RDX: variants seen among roughly 807,000 people sequenced by gnomAD.
RDX encodes radixin, also known as deafness, autosomal recessive 24.
In RDX, 32 loss-of-function variants were observed where a neutral mutation model predicts 83.7. That is an observed-to-expected ratio of 0.38 (90% confidence interval 0.29 to 0.51). The LOEUF is 0.51. Ranked by LOEUF, RDX falls within the 20% of genes least tolerant of loss-of-function variation. The pLI, the probability that RDX is intolerant of heterozygous loss-of-function variation, is 0.87. For missense variants in RDX, 600 were observed against 689.9 expected, an observed-to-expected ratio of 0.87 and a Z score of 1.46; for synonymous variants, 229 against 222.7, an observed-to-expected ratio of 1.03 and a Z score of -0.25.
At chr11:110,211,423 A>G (rs541640698) in intron 14 of RDX, among the ~76,000 whole-genome samples, 27 of 150,434 alleles carry the variant, frequency 1.8e-4, no homozygotes, top group African/African-American at 6.6e-4. Flanking sequence ...TAGACAGATC[A>G]ACGAGACAGA....
intron 15 of RDX, among the ~76,000 whole-genome samples, chr11:110,197,709 T>A (rs1201066328): frequency 6.6e-6 from 1 of 152,218 alleles, no homozygotes; most frequent in Non-Finnish European, 1.5e-5. Context: ...GTTACATGAA[T>A]GAATTTCTGC....
At chr11:110,182,710 A>C (rs1862911507) in intron 15 of RDX, among the ~76,000 whole-genome samples, 1 of 152,230 alleles carries the variant, frequency 6.6e-6, no homozygotes, top group Non-Finnish European at 1.5e-5. Context: ...ACTTGTACCA[A>C]GTCTCTTCAT....
chr11:110,210,459 C>T (rs1432345748), intron 14 of RDX, among the ~76,000 whole-genome samples: 1 of 143,240 alleles, frequency 7.0e-6, no homozygotes, highest in African/African-American at 2.7e-5. Flanking sequence ...GCAAGGCAGG[C>T]CAACATTCAG....
intron 15 of RDX, among the ~76,000 whole-genome samples, chr11:110,189,637 C>G (rs894210041): frequency 6.6e-6 from 1 of 152,106 alleles, no homozygotes; most frequent in Non-Finnish European, 1.5e-5. Context: ...ATTAAAAAAC[C>G]TGAAGTCATG....
At chr11:110,223,518 ACT>A (rs901238427) in intron 14 of RDX, among the ~76,000 whole-genome samples, 19 of 151,314 alleles carry the variant, frequency 1.3e-4, no homozygotes, top group South Asian at 4.2e-4. Flanking sequence ...ACAGAGAAAG[ACT>A]CTGTCTCAAA....
At chr11:110,180,367 T>C (rs1862862415) in intron 15 of RDX, among the ~76,000 whole-genome samples, 1 of 152,186 alleles carries the variant, frequency 6.6e-6, no homozygotes, top group Non-Finnish European at 1.5e-5. Flanking sequence ...GCTCCAGCTT[T>C]GGGCTGGGAT....
chr11:110,278,998 AT>A (rs1860638145), intron 2 of RDX, among the ~76,000 whole-genome samples: 2 of 152,224 alleles, frequency 1.3e-5, no homozygotes, highest in East Asian at 1.9e-4. Flanking sequence ...AATAAAAAAA[AT>A]CTAAGACTAT....
intron 15 of RDX, among the ~76,000 whole-genome samples, chr11:110,182,910 C>A (rs754519383): frequency 6.6e-6 from 1 of 152,176 alleles, no homozygotes; most frequent in Non-Finnish European, 1.5e-5. Context: ...TTACAGAGAG[C>A]AAATCATTCT....
chr11:110,177,186 C>T (rs900715239), intron 15 of RDX, among the ~76,000 whole-genome samples: 6 of 152,214 alleles, frequency 3.9e-5, no homozygotes, highest in Non-Finnish European at 7.3e-5. Context: ...CCACCTCCAC[C>T]CGGGGACAGG....
chr11:110,279,729 C>A lies in RDX; in HGVS notation c.-37G>T. 7.1e-7 allele frequency: 1 copy of A among 1,411,992 alleles called. No individual in the cohort carries two copies. The highest frequency in any genetic ancestry group is 1.0e-6 in the Non-Finnish European group (1 of 1,001,718). The allele number at this position is 1,411,992 out of a possible 1,614,324, so 87.5% of individuals were successfully genotyped here. On this transcript the variant is annotated 5_prime_UTR_variant, in exon 2 of 14. Transcript: ENST00000645495. The stretch of plus-strand genomic sequence containing the variant: ...TTTTGTTACCTTCTTTAAAAATTCT[C>A]CACTTCAATGAATTCTGTTATCACT...
At chr11:110,256,435 G>C (rs754329162) in intron 7 of RDX, among the ~76,000 whole-genome samples, 2 of 152,154 alleles carry the variant, frequency 1.3e-5, no homozygotes, top group South Asian at 4.1e-4. Flanking sequence ...ACTATGCTAC[G>C]TTTATATGCT....
At chr11:110,220,573 A>C (rs1466886893) in intron 14 of RDX, among the ~76,000 whole-genome samples, 1 of 152,176 alleles carries the variant, frequency 6.6e-6, no homozygotes, top group Non-Finnish European at 1.5e-5. Context: ...CACTCGGCTC[A>C]CTGCAACCTC....
At position 110,264,065 on chromosome 11, in the gene RDX, G is replaced by A; in HGVS notation, c.362C>T (p.Thr121Ile). ...LNDEIYCPPETAVLLASYAVQ... is the reference protein window; with the variant it reads ...LNDEIYCPPEIAVLLASYAVQ... ...AGCATAGGAAGCCAAAAGAACTGCA[G>A]TTTCTGGCGGGCAATATATCTCATC... Residue 121 changes from threonine to isoleucine, a missense_variant, in exon 5 of 14, where the codon ACT becomes ATT. Transcript: ENST00000645495. 6.2e-7 allele frequency: 1 copy of A among 1,613,714 alleles called. No individual in the cohort carries two copies. The highest frequency in any genetic ancestry group is 1.3e-5 in the African/African-American group (1 of 75,008).
chr11:110,248,842 AATTTCT>A lies in RDX; in HGVS notation c.960-1015_960-1010del, dbSNP rs1396832874. ...ATTAAAAATGAATTAATCCAAGTTTAATTTCTTGGGTAGTACCCATTTATGCCTAGA... is the reference window on the plus strand; with the variant it reads ...ATTAAAAATGAATTAATCCAAGTTTATGGGTAGTACCCATTTATGCCTAGA... On this transcript the variant is annotated intron_variant, in intron 9 of 13. Coordinates refer to ENST00000645495, the MANE Select transcript of RDX (RefSeq NM_002906.4). 4.6e-5 allele frequency among the ~76,000 whole-genome samples: 7 copies of A among 152,344 alleles called. No homozygotes were observed. The East Asian group carries it at 1.2e-3, about 25-fold the overall frequency.
intron 4 of RDX, among the ~76,000 whole-genome samples, 162 bp downstream of exon 4, chr11:110,264,617 C>CT (rs1188853483): frequency 6.8e-6 from 1 of 147,698 alleles, no homozygotes; most frequent in Non-Finnish European, 1.5e-5. Context: ...AGATGATAAG[C>CT]TGATGGTGCC....
chr11:110,247,443 T>C (rs1208726463), intron 10 of RDX, among the ~76,000 whole-genome samples: 1 of 152,074 alleles, frequency 6.6e-6, no homozygotes, highest in Non-Finnish European at 1.5e-5. Flanking sequence ...AGAATACATA[T>C]GAAAAATATT....
chr11:110,192,460 G>A (rs889682128), intron 15 of RDX, among the ~76,000 whole-genome samples: 1 of 152,046 alleles, frequency 6.6e-6, no homozygotes, highest in Non-Finnish European at 1.5e-5. Context: ...CCCTAGCAAA[G>A]AATTTATGGC....
At chr11:110,210,581 G>A (rs1280838180) in intron 14 of RDX, among the ~76,000 whole-genome samples, 1 of 150,862 alleles carries the variant, frequency 6.6e-6, no homozygotes, top group Non-Finnish European at 1.5e-5. Context: ...GTTAAGGGCA[G>A]CCAGAGAGAA....
At chr11:110,180,760 T>C (rs1392311267) in intron 15 of RDX, among the ~76,000 whole-genome samples, 1 of 152,046 alleles carries the variant, frequency 6.6e-6, no homozygotes, top group Non-Finnish European at 1.5e-5. Flanking sequence ...TCCCTTTGCC[T>C]GGCTTTATCC....
Sources: allele counts gnomAD v4.1 joint callset (sites outside exome capture counted in the v4.1 genomes callset), GRCh38; gene constraint gnomAD v4.1.1; transcripts MANE v1.5; gene names NCBI Gene and HGNC (gene_info 2026-07-23, HGNC 2026-07-21).